Variants in FHOD3 observed in about 807,000 individuals in gnomAD.
The protein encoded by FHOD3 is formin homology 2 domain containing 3.
A neutral mutation model predicts 173.0 loss-of-function variants in FHOD3; 90 were observed. The ratio of observed to expected loss-of-function variants is 0.52; its 90% CI spans 0.44 to 0.62. FHOD3 has a LOEUF of 0.62. FHOD3 is among the 20% of genes least tolerant of loss of function. The pLI, the probability that FHOD3 is intolerant of heterozygous loss-of-function variation, is 0.00. For synonymous variants in FHOD3, 828 were observed against 823.0 expected (o/e 1.01, Z -0.10); for missense variants, 1,945 against 2,034.7 (o/e 0.96, Z 0.85).
At chr18:36,636,537 G>C (rs1284883890) in intron 10 of FHOD3, among the ~76,000 whole-genome samples, 1 of 152,080 alleles carries the variant, frequency 6.6e-6, no homozygotes, top group Middle Eastern at 3.2e-3. Flanking sequence ...CGTCCCGAGA[G>C]AGCATACTTC....
chr18:36,674,549 G>T (rs1468961708), intron 14 of FHOD3, among the ~76,000 whole-genome samples: 2 of 152,056 alleles, frequency 1.3e-5, no homozygotes, highest in Non-Finnish European at 1.5e-5. Flanking sequence ...CAATTTTGAT[G>T]CATTTATTCA....
intron 3 of FHOD3, among the ~76,000 whole-genome samples, chr18:36,474,983 A>G (rs2053479307): frequency 1.0e-5 from 1 of 98,652 alleles, no homozygotes; most frequent in Non-Finnish European, 2.0e-5. Context: ...GAAAATACAC[A>G]CATACACACA....
At chr18:36,336,577 C>T (rs1273139075) in intron 1 of FHOD3, among the ~76,000 whole-genome samples, 6 of 152,092 alleles carry the variant, frequency 3.9e-5, no homozygotes, top group Non-Finnish European at 8.8e-5. Flanking sequence ...TGGCTCAAGC[C>T]TGTAATCCCA....
intron 3 of FHOD3, among the ~76,000 whole-genome samples, chr18:36,433,964 C>T (rs1391093154): frequency 4.6e-5 from 7 of 152,140 alleles, no homozygotes; most frequent in Non-Finnish European, 1.0e-4. Flanking sequence ...CTCATGTTTT[C>T]AAAAATTTCC....
At chr18:36,615,295 G>A (rs1394471733) in intron 9 of FHOD3, among the ~76,000 whole-genome samples, 1 of 151,738 alleles carries the variant, frequency 6.6e-6, no homozygotes, top group Non-Finnish European at 1.5e-5. Context: ...CTTATTAATA[G>A]TAATACATTT....
chr18:36,573,515 A>C (rs1192419977), intron 5 of FHOD3, among the ~76,000 whole-genome samples: 1 of 150,966 alleles, frequency 6.6e-6, no homozygotes, highest in Non-Finnish European at 1.5e-5. Context: ...CTGAGATGGG[A>C]GGATCATTTG....
chr18:36,321,621 TG>T (rs2044398051), intron 1 of FHOD3, among the ~76,000 whole-genome samples: 1 of 152,176 alleles, frequency 6.6e-6, no homozygotes, highest in Non-Finnish European at 1.5e-5. Context: ...TGCCAGTCAC[TG>T]GGTGAAGTGC....
chr18:36,642,561 C>T (rs1337600749), intron 10 of FHOD3, among the ~76,000 whole-genome samples: 3 of 96,362 alleles, frequency 3.1e-5, no homozygotes, highest in African/African-American at 1.3e-4. Context: ...CCAGCCTGGG[C>T]AAAAGAGCGA....
chr18:36,718,733 C>G lies in FHOD3; in HGVS notation c.3417+18C>G. The stretch of plus-strand genomic sequence containing the variant: ...TCTCAAAGGTACTGCTAGTCTTCAG[C>G]ATGCTTCTTGATTGGAAGTTGGGTA... On this transcript the variant is annotated intron_variant, in intron 19 of 28. Transcript: ENST00000590592. The G allele has an allele frequency of 1.3e-6, 2 of 1,599,816 alleles. No homozygotes were observed. The highest frequency in any genetic ancestry group is 1.7e-6 in the Non-Finnish European group (2 of 1,172,184).
At chr18:36,521,329 G>A (rs1380298341) in intron 5 of FHOD3, among the ~76,000 whole-genome samples, 2 of 151,986 alleles carry the variant, frequency 1.3e-5, no homozygotes, top group African/African-American at 4.8e-5. Context: ...CTGTGCCCTG[G>A]TATCTCCATC....
chr18:36,350,289 C>T (rs17841680), intron 1 of FHOD3, among the ~76,000 whole-genome samples: 8,779 of 152,190 alleles, frequency 0.058, 849 homozygotes, highest in African/African-American at 0.2. Context: ...ACTGGCTGCC[C>T]GCTGAACACC....
intron 5 of FHOD3, among the ~76,000 whole-genome samples, chr18:36,541,481 C>T (rs187983133): frequency 1.3e-5 from 2 of 152,138 alleles, no homozygotes; most frequent in Admixed American, 6.6e-5. Flanking sequence ...CCCTTGAGCA[C>T]AATCCTGTCA....
intron 10 of FHOD3, among the ~76,000 whole-genome samples, chr18:36,629,733 G>T (rs775995423): frequency 2.0e-5 from 3 of 152,018 alleles, no homozygotes; most frequent in Non-Finnish European, 4.4e-5. Flanking sequence ...TCGGAGAAGG[G>T]CAAGAGATAA....
At chr18:36,776,507 G>T (rs1250936355) in intron 28 of FHOD3, among the ~76,000 whole-genome samples, 2 of 152,178 alleles carry the variant, frequency 1.3e-5, no homozygotes, top group African/African-American at 4.8e-5. Context: ...ATTAACTTTG[G>T]CTAACAAAGG....
At chr18:36,312,516 A>G (rs1045819388) in intron 1 of FHOD3, among the ~76,000 whole-genome samples, 1 of 151,956 alleles carries the variant, frequency 6.6e-6, no homozygotes, top group Non-Finnish European at 1.5e-5. Context: ...TCATCTTCCC[A>G]CAGACCCATA....
At chr18:36,493,307 A>C (rs980925989) in intron 3 of FHOD3, among the ~76,000 whole-genome samples, 4 of 151,458 alleles carry the variant, frequency 2.6e-5, no homozygotes, top group Non-Finnish European at 5.9e-5. Flanking sequence ...AGTCCGACCA[A>C]GCAATTTTTT....
At chr18:36,428,174 A>T (rs1321052637) in intron 3 of FHOD3, among the ~76,000 whole-genome samples, 5 of 152,142 alleles carry the variant, frequency 3.3e-5, no homozygotes, top group African/African-American at 1.2e-4. Context: ...TAAGGCATGT[A>T]TTATGCCTTA....
intron 3 of FHOD3, among the ~76,000 whole-genome samples, chr18:36,474,210 C>A (rs2145220929): frequency 6.6e-6 from 1 of 152,292 alleles, no homozygotes; most frequent in East Asian, 1.9e-4. Context: ...AAACCAGGGA[C>A]AAGTAGACTC....
chr18:36,598,652 G>A (rs533824735), intron 7 of FHOD3, among the ~76,000 whole-genome samples: 2 of 152,034 alleles, frequency 1.3e-5, no homozygotes, highest in East Asian at 3.9e-4. Context: ...TCTGCGTTAC[G>A]CCATTCTTCT....
Sources: allele counts gnomAD v4.1 joint callset (sites outside exome capture counted in the v4.1 genomes callset), GRCh38; gene constraint gnomAD v4.1.1; transcripts MANE v1.5; gene names NCBI Gene and HGNC (gene_info 2026-07-23, HGNC 2026-07-21).